Variants in INPP4B observed in about 807,000 individuals in gnomAD.
INPP4B encodes the protein inositol polyphosphate 4-phosphatase type II.
In INPP4B, 55 loss-of-function variants were observed where a neutral mutation model predicts 122.5. The observed-to-expected ratio is 0.45, with a 90% CI of 0.36 to 0.56. The LOEUF (loss-of-function observed/expected upper bound fraction) is 0.56. Ranked by LOEUF, INPP4B falls within the 20% of genes least tolerant of loss-of-function variation. The pLI is 0.00. For missense variants in INPP4B, 1,000 were observed against 1,097.7 expected (o/e 0.91, Z 1.26); for synonymous variants, 403 against 388.7 (o/e 1.04, Z -0.43).
intron 1 of INPP4B, among the ~76,000 whole-genome samples, chr4:142,754,621 C>T (rs1770231700): frequency 6.6e-6 from 1 of 151,938 alleles, no homozygotes; most frequent in Non-Finnish European, 1.5e-5. Flanking sequence ...GTTATTATCT[C>T]AGGGTATGGG....
intron 7 of INPP4B, among the ~76,000 whole-genome samples, chr4:142,349,572 T>C (rs1781333555): frequency 6.6e-6 from 1 of 151,992 alleles, no homozygotes; most frequent in African/African-American, 2.4e-5. Context: ...AATGTTTCAG[T>C]TTAATATAAA....
intron 2 of INPP4B, among the ~76,000 whole-genome samples, chr4:142,530,156 T>C (rs1409250792): frequency 6.6e-6 from 1 of 152,082 alleles, no homozygotes; most frequent in Non-Finnish European, 1.5e-5. Context: ...ACATTAGTTT[T>C]TGTTGCTGCT....
At chr4:142,639,318 G>T (rs1424357212) in intron 2 of INPP4B, among the ~76,000 whole-genome samples, 1 of 152,130 alleles carries the variant, frequency 6.6e-6, no homozygotes, top group East Asian at 1.9e-4. Flanking sequence ...ATCTGAATGT[G>T]ATTGTAGAGA....
At chr4:142,297,305 A>G (rs754512172) in intron 9 of INPP4B, among the ~76,000 whole-genome samples, 7 of 152,182 alleles carry the variant, frequency 4.6e-5, no homozygotes, top group Non-Finnish European at 8.8e-5. Flanking sequence ...GATAATAGAA[A>G]TGTTATATCC....
chr4:142,157,048 T>A (rs1204954243), intron 17 of INPP4B, among the ~76,000 whole-genome samples: 1 of 152,118 alleles, frequency 6.6e-6, no homozygotes, highest in African/African-American at 2.4e-5. Flanking sequence ...CCAATTGAAT[T>A]AATTTAAAAT....
At chr4:142,144,027 C>A (rs72718471) in intron 18 of INPP4B, among the ~76,000 whole-genome samples, 1,775 of 151,922 alleles carry the variant, frequency 0.012, 19 homozygotes, top group South Asian at 0.029. Flanking sequence ...TGACTCTAAC[C>A]ATCCACAACA....
intron 2 of INPP4B, among the ~76,000 whole-genome samples, chr4:142,573,324 G>A (rs531970374): frequency 1.3e-5 from 2 of 152,066 alleles, no homozygotes; most frequent in Non-Finnish European, 2.9e-5. Flanking sequence ...AGCACTTTGT[G>A]CTACCCAGTT....
chr4:142,184,201 T>C (rs1832123793), intron 15 of INPP4B, among the ~76,000 whole-genome samples: 1 of 152,216 alleles, frequency 6.6e-6, no homozygotes, highest in Non-Finnish European at 1.5e-5. Context: ...TTTGGACAGG[T>C]TGTTGGAAGA....
intron 1 of INPP4B, among the ~76,000 whole-genome samples, chr4:142,751,936 T>G (rs1037695607): frequency 4.6e-5 from 7 of 152,066 alleles, no homozygotes; most frequent in Non-Finnish European, 1.0e-4. Context: ...TATTTCACCC[T>G]CCCCAAAGCA....
chr4:142,075,766 G>C (rs1321043743), intron 25 of INPP4B, among the ~76,000 whole-genome samples: 2 of 151,934 alleles, frequency 1.3e-5, no homozygotes, highest in Admixed American at 6.6e-5. Context: ...ACTCACAAGA[G>C]GGCAATGGAG....
chr4:142,266,354 T>C (rs1232594381), intron 10 of INPP4B, among the ~76,000 whole-genome samples: 1 of 152,020 alleles, frequency 6.6e-6, no homozygotes, highest in Non-Finnish European at 1.5e-5. Flanking sequence ...ATTTTTATAA[T>C]GTGGGATATA....
rs909641822 is a variant in INPP4B at position 142,454,515 on chromosome 4, T to G, written c.-127+8148A>C. On this transcript the variant is annotated intron_variant, in intron 3 of 25. Coordinates refer to ENST00000262992, the MANE Select transcript of INPP4B (RefSeq NM_001101669.3). Reference sequence around the variant, plus strand: ...TAATATGTTTGTTTTTGAATGGCTGTTTTTTATTGTTTTGGAGTCTTTCCT... The same window carrying G: ...TAATATGTTTGTTTTTGAATGGCTGGTTTTTATTGTTTTGGAGTCTTTCCT... 3.3e-5 allele frequency among the ~76,000 whole-genome samples: 5 copies of G among 152,090 alleles called. No individual in the cohort carries two copies. The East Asian group carries it at 9.6e-4, about 29-fold the overall frequency.
intron 15 of INPP4B, among the ~76,000 whole-genome samples, chr4:142,189,062 A>G (rs970829911): frequency 2.0e-5 from 3 of 152,164 alleles, no homozygotes; most frequent in African/African-American, 7.2e-5. Context: ...AAAGTCTCCT[A>G]TTTATAATAG....
At chr4:142,500,480 A>C (rs975494597) in intron 2 of INPP4B, among the ~76,000 whole-genome samples, 1 of 152,200 alleles carries the variant, frequency 6.6e-6, no homozygotes, top group Non-Finnish European at 1.5e-5. Context: ...TAACTCAGGA[A>C]TGCCTTTCTC....
intron 1 of INPP4B, among the ~76,000 whole-genome samples, chr4:142,775,334 G>A (rs1030260040): frequency 9.9e-5 from 15 of 152,154 alleles, no homozygotes; most frequent in African/African-American, 3.6e-4. Flanking sequence ...CAAACTTCAT[G>A]AAGGTAGAGT....
At chr4:142,321,830 G>A (rs897064078) in intron 7 of INPP4B, among the ~76,000 whole-genome samples, 4 of 151,950 alleles carry the variant, frequency 2.6e-5, no homozygotes, top group African/African-American at 9.7e-5. Flanking sequence ...TGCTGTTTTG[G>A]TGGTCATAGC....
intron 2 of INPP4B, among the ~76,000 whole-genome samples, chr4:142,546,403 C>T (rs1351442869): frequency 1.3e-5 from 2 of 152,054 alleles, no homozygotes; most frequent in African/African-American, 4.8e-5. Context: ...ACATAGCATG[C>T]ATGTGCCTTA....
chr4:142,083,815 T>A lies in INPP4B; in HGVS notation c.2488-1630A>T, dbSNP rs11946575. ...ATAGTATTTCATTTTTAAAAATTCT[T>A]AACTATATTTATAATAATAAAATAG... On this transcript the variant is annotated intron_variant, in intron 24 of 25. Coordinates refer to ENST00000262992, the MANE Select transcript of INPP4B (RefSeq NM_001101669.3). Among the ~76,000 whole-genome samples, 907 of 152,214 alleles carry A rather than the reference T, an allele frequency of 6.0e-3. 12 individuals are homozygous for A. Among genetic ancestry groups the A allele is most frequent in the African/African-American group, 0.021 (859 of 41,568 alleles).
intron 2 of INPP4B, among the ~76,000 whole-genome samples, chr4:142,494,040 T>C (rs1272127333): frequency 6.6e-6 from 1 of 152,180 alleles, no homozygotes; most frequent in African/African-American, 2.4e-5. Context: ...TGGTTTTATA[T>C]GGAGCTTTTC....
Sources: allele counts gnomAD v4.1 joint callset (sites outside exome capture counted in the v4.1 genomes callset), GRCh38; gene constraint gnomAD v4.1.1; transcripts MANE v1.5; gene names NCBI Gene and HGNC (gene_info 2026-07-23, HGNC 2026-07-21).